Variants in ERCC6 observed in about 807,000 individuals in gnomAD.
The protein encoded by ERCC6 is DNA excision repair protein ERCC-6.
A neutral mutation model predicts 158.7 loss-of-function variants in ERCC6; 116 were observed. The observed-to-expected ratio is 0.73, with a 90% CI of 0.63 to 0.85. The LOEUF (loss-of-function observed/expected upper bound fraction) is 0.85. ERCC6 is among the 40% of genes least tolerant of loss of function. The pLI, the probability that ERCC6 is intolerant of heterozygous loss-of-function variation, is 0.00. For synonymous variants in ERCC6, 678 were observed against 659.3 expected, an observed-to-expected ratio of 1.03 and a Z score of -0.43; for missense variants, 1,698 against 1,799.4, an observed-to-expected ratio of 0.94 and a Z score of 1.02.
chr10:49,531,490 T>C (rs1187312565), intron 2 of ERCC6, among the ~76,000 whole-genome samples: 3 of 152,210 alleles, frequency 2.0e-5, no homozygotes, highest in Non-Finnish European at 4.4e-5. Flanking sequence ...GGATAAACAA[T>C]GCGTATTACT....
intron 18 of ERCC6, among the ~76,000 whole-genome samples, chr10:49,469,642 C>T (rs1386642938): frequency 6.6e-6 from 1 of 152,202 alleles, no homozygotes; most frequent in Non-Finnish European, 1.5e-5. Context: ...TCTTTGGTAA[C>T]TCAAGGCCAT....
At chr10:49,464,830 A>C (rs889906202) in intron 18 of ERCC6, among the ~76,000 whole-genome samples, 9 of 152,238 alleles carry the variant, frequency 5.9e-5, no homozygotes, top group African/African-American at 1.9e-4. Flanking sequence ...ACTTCTGCCT[A>C]GATTTCAAAA....
At chr10:49,490,035 A>C (rs1851145481) in intron 8 of ERCC6, among the ~76,000 whole-genome samples, 1 of 152,248 alleles carries the variant, frequency 6.6e-6, no homozygotes, top group South Asian at 2.1e-4. Context: ...GGATCACGAA[A>C]TATAATCAGA....
chr10:49,523,926 G>T, intron 5 of ERCC6, 107 bp downstream of exon 5: 3 of 1,507,848 alleles, frequency 2.0e-6, no homozygotes, highest in Non-Finnish European at 2.7e-6. Context: ...TGTATAATCG[G>T]GGGGGTCTAA....
At chr10:49,537,618 G>A (rs1273197786) in intron 1 of ERCC6, among the ~76,000 whole-genome samples, 1 of 152,142 alleles carries the variant, frequency 6.6e-6, no homozygotes, top group Non-Finnish European at 1.5e-5. Flanking sequence ...AATTGTGGAG[G>A]TAGATGTGGG....
Position 49,524,236 on chromosome 10 carries a change from A to G in ERCC6, c.1194T>C (p.Asp398=). The stretch of plus-strand genomic sequence containing the variant: ...GAGGCTTCAGCTCATAGTCAGTACC[A>G]TCTCCAGACAGGTCCGCCTCTGCCC... The part of the protein sequence containing the change: ...VEGAEADLSG[D]GTDYELKPLP... Residue 398 remains aspartate, a synonymous_variant, in exon 5 of 21, where the codon GAT becomes GAC. Coordinates refer to ENST00000355832, the MANE Select transcript of ERCC6 (RefSeq NM_000124.4). 6.2e-7 allele frequency: 1 copy of G among 1,613,986 alleles called. No homozygotes were observed. The highest frequency in any genetic ancestry group is 8.5e-7 in the Non-Finnish European group (1 of 1,179,986).
Position 49,461,439 on chromosome 10 carries a change from A to C in ERCC6, c.3896T>G (p.Leu1299Arg). Residue 1299 changes from leucine (L) to arginine (R), a missense_variant, in exon 19 of 21, where the codon CTC becomes CGC. Leu to Arg is a moderately radical substitution (Grantham distance 102). Transcript: ENST00000355832. The part of the protein sequence containing the change: ...VAQDALKALR[L>R]SRQRCLGAVS... ...TGCTCCCAGACACCGCTGACGAGAG[A>C]GCCTCAGTGCTTTCAGGGCATCCTG... is the stretch of plus-strand genomic sequence containing the variant. 2 of 1,614,158 alleles carry C rather than the reference A, an allele frequency of 1.2e-6. No individual in the cohort carries two copies. The highest frequency in any genetic ancestry group is 2.2e-5 in the South Asian group (2 of 91,080).
chr10:49,439,782 C>T, the ERCC6 span, among the ~76,000 whole-genome samples: 16 of 152,138 alleles, frequency 1.1e-4, no homozygotes, highest in Admixed American at 2.0e-4. Flanking sequence ...AAATTTCTTC[C>T]GCTAGATACC....
intron 20 of ERCC6, among the ~76,000 whole-genome samples, chr10:49,459,816 A>G (rs568725651): frequency 6.6e-6 from 1 of 152,332 alleles, no homozygotes; most frequent in East Asian, 1.9e-4. Flanking sequence ...ATTCCTAAAC[A>G]TGTTCACATT....
At chr10:49,464,248 C>A (rs896717647) in intron 18 of ERCC6, among the ~76,000 whole-genome samples, 2 of 152,258 alleles carry the variant, frequency 1.3e-5, no homozygotes, top group Middle Eastern at 3.4e-3. Context: ...AAGAGACAGG[C>A]GGCATTTTGC....
the ERCC6 span, among the ~76,000 whole-genome samples, chr10:49,436,890 A>G: frequency 6.6e-6 from 1 of 152,246 alleles, no homozygotes; most frequent in African/African-American, 2.4e-5. Flanking sequence ...GAGAATAGAT[A>G]AATTGTGGAA....
In ERCC6 at chr10:49,460,435, T is replaced by C; in HGVS notation, c.4000A>G (p.Lys1334Glu). 1 of 1,612,612 alleles carries C rather than the reference T, an allele frequency of 6.2e-7. No homozygotes were observed. The highest frequency in any genetic ancestry group is 8.5e-7 in the Non-Finnish European group (1 of 1,178,624). The part of the protein sequence containing the change: ...PAGKKSRFGK[K>E]RNSNFSVQHP... Reference sequence around the variant, plus strand: ...TGCACAGAGAAGTTAGAATTCCTTTTCTTACCAAATCTACTCCTAAAAAAG... The same window carrying C: ...TGCACAGAGAAGTTAGAATTCCTTTCCTTACCAAATCTACTCCTAAAAAAG... The change falls in exon 20 of 21, where the codon AAA becomes GAA. Residue 1334 changes from lysine (K) to glutamate (E), a missense_variant. Coordinates refer to ENST00000355832, the MANE Select transcript of ERCC6 (RefSeq NM_000124.4).
intron 5 of ERCC6, among the ~76,000 whole-genome samples, chr10:49,506,810 GA>G (rs530639675): frequency 0.012 from 1,702 of 139,470 alleles, 22 homozygotes; most frequent in African/African-American, 0.033. Flanking sequence ...CGTGAGTGGG[GA>G]AAAAAAAAAA....
At chr10:49,470,936 G>T in intron 17 of ERCC6, 39 bp downstream of exon 17, 1 of 1,613,488 alleles carries the variant, frequency 6.2e-7, no homozygotes, top group Non-Finnish European at 8.5e-7. Flanking sequence ...ATCATCTTGT[G>T]CAATTGATTA....
At chr10:49,461,884 A>T (rs1850589891) in intron 18 of ERCC6, among the ~76,000 whole-genome samples, 1 of 152,230 alleles carries the variant, frequency 6.6e-6, no homozygotes, top group South Asian at 2.1e-4. Flanking sequence ...TGGAGAAGAC[A>T]TGAAAACACT....
At chr10:49,472,887 T>TA (rs763535359) in intron 15 of ERCC6, 22 bp downstream of exon 15, 690 of 1,509,622 alleles carry the variant, frequency 4.6e-4, no homozygotes, top group African/African-American at 1.2e-3. Context: ...TACATTCTTT[T>TA]AAAAAAAAAA....
chr10:49,538,494 C>T (rs964988148), intron 1 of ERCC6, among the ~76,000 whole-genome samples: 2 of 152,210 alleles, frequency 1.3e-5, no homozygotes, highest in Non-Finnish European at 2.9e-5. Context: ...CACAGGATGA[C>T]AGCAGTTAAG....
At chr10:49,510,510 T>C (rs564433089) in intron 5 of ERCC6, among the ~76,000 whole-genome samples, 6 of 152,228 alleles carry the variant, frequency 3.9e-5, no homozygotes, top group Non-Finnish European at 8.8e-5. Context: ...TTAGGTGTCC[T>C]GTCTTCCAAG....
In ERCC6 at chr10:49,500,609, C is replaced by G. The variant is rs1851340078; in HGVS notation, c.1614G>C (p.Lys538Asn). 2 of 1,613,900 alleles carry G rather than the reference C, an allele frequency of 1.2e-6. No homozygotes were observed. The highest frequency in any genetic ancestry group is 8.5e-7 in the Non-Finnish European group (1 of 1,179,918). ...GILGDEMGLG[K>N]TIQIIAFLAG... The stretch of plus-strand genomic sequence containing the variant: ...CCAAGAAGGCAATTATCTGGATGGT[C>G]TTGCCCAATCCCATTTCATCTCCCA... The change falls in exon 7 of 21, where the codon AAG becomes AAC. Residue 538 changes from lysine (K) to asparagine (N), a missense_variant. By Grantham distance (94) the Lys-to-Asn change is moderately conservative. Transcript: ENST00000355832.
Sources: gnomAD v4.1 joint callset for allele counts (sites outside exome capture counted in the v4.1 genomes callset) on GRCh38, gnomAD v4.1.1 for gene constraint, MANE v1.5 for transcripts, NCBI Gene and HGNC (gene_info 2026-07-23, HGNC 2026-07-21) for gene names.